IQSEC1: variants seen among roughly 807,000 people sequenced by gnomAD.
The protein encoded by IQSEC1 is IQ motif and SEC7 domain-containing protein 1.
A neutral mutation model predicts 91.0 loss-of-function variants in IQSEC1; 31 were observed. The ratio of observed to expected loss-of-function variants is 0.34; its 90% confidence interval spans 0.26 to 0.46. The LOEUF (loss-of-function observed/expected upper bound fraction) is 0.46, where lower values mean the gene tolerates loss of function less well. IQSEC1 is among the 20% of genes least tolerant of loss of function. The probability of loss-of-function intolerance (pLI) is 1.00; values close to 1 mark genes in which losing one functional copy is unlikely to be tolerated. For synonymous variants in IQSEC1, 699 were observed against 662.6 expected, an observed-to-expected ratio of 1.05 and a Z score of -0.84; for missense variants, 1,388 against 1,575.6, an observed-to-expected ratio of 0.88 and a Z score of 2.02.
At chr3:13,042,051 T>C (rs527753178) in intron 1 of IQSEC1, among the ~76,000 whole-genome samples, 31 of 152,192 alleles carry the variant, frequency 2.0e-4, no homozygotes, top group Non-Finnish European at 4.0e-4. Context: ...CACAGAGCAG[T>C]CCAGGGTGAC....
intron 2 of IQSEC1, among the ~76,000 whole-genome samples, chr3:13,109,699 C>T (rs1002742042): frequency 6.6e-6 from 1 of 151,982 alleles, no homozygotes; most frequent in African/African-American, 2.4e-5. Context: ...TCACCTTCCA[C>T]CATGAGTGGA....
chr3:13,035,141 G>T (rs1282930340), intron 1 of IQSEC1, among the ~76,000 whole-genome samples: 1 of 152,232 alleles, frequency 6.6e-6, no homozygotes, highest in Non-Finnish European at 1.5e-5. Flanking sequence ...CTCCCAGGGA[G>T]CCTTTTTCAC....
Position 12,936,348 on chromosome 3 carries a change from G to A in IQSEC1, c.668C>T (p.Thr223Ile). ...CCTAGAGAAGGCGTCCTCCAGCTCG[G>A]TGATGGCGTCCGCAAAGTCACTGGA... ...APSSDFADAI[T>I]ELEDAFSRQV... The change falls in exon 3 of 14, where the codon ACC (threonine) becomes ATC (isoleucine). Residue 223 changes from threonine (T) to isoleucine (I), a missense_variant. Thr to Ile is a moderately conservative substitution (Grantham distance 89). Coordinates refer to ENST00000613206, the MANE Select transcript of IQSEC1 (RefSeq NM_001134382.3). The A allele has an allele frequency of 6.2e-7, 1 of 1,606,558 alleles. No individual in the cohort carries two copies. The highest frequency in any genetic ancestry group is 8.5e-7 in the Non-Finnish European group (1 of 1,174,788).
chr3:13,174,529 G>T (rs1352042694), intron 1 of IQSEC1, among the ~76,000 whole-genome samples: 3 of 152,164 alleles, frequency 2.0e-5, no homozygotes, highest in Non-Finnish European at 4.4e-5. Context: ...ACACTGGGCT[G>T]TCATGTCGCT....
At chr3:12,964,814 TATGCACACACAG>T (rs890706058) in intron 1 of IQSEC1, among the ~76,000 whole-genome samples, 4 of 152,160 alleles carry the variant, frequency 2.6e-5, no homozygotes, top group South Asian at 2.1e-4. Flanking sequence ...GATAAAACCG[TATGCACACACAG>T]ATGCACACAC....
At chr3:12,963,180 T>C (rs1700348641) in intron 1 of IQSEC1, among the ~76,000 whole-genome samples, 1 of 152,228 alleles carries the variant, frequency 6.6e-6, no homozygotes, top group Non-Finnish European at 1.5e-5. Context: ...TGTCTCATCT[T>C]TAGAAACAGG....
At chr3:13,166,930 G>A (rs977136828) in intron 1 of IQSEC1, among the ~76,000 whole-genome samples, 7 of 152,238 alleles carry the variant, frequency 4.6e-5, no homozygotes, top group African/African-American at 7.2e-5. Context: ...GCATAACATC[G>A]CCCGTCCTAT....
At chr3:13,075,768 T>C (rs1316115939), upstream of IQSEC1, among the ~76,000 whole-genome samples, 1 of 152,182 alleles carries the variant, frequency 6.6e-6, no homozygotes, top group African/African-American at 2.4e-5. Flanking sequence ...GCGGTTTTGA[T>C]TTCTGACATT....
At chr3:13,083,933 G>A (rs563793070) in intron 2 of IQSEC1, among the ~76,000 whole-genome samples, 2 of 152,354 alleles carry the variant, frequency 1.3e-5, no homozygotes, top group Admixed American at 6.5e-5. Context: ...AGGAGTACGC[G>A]GTTTTCCAGT....
At chr3:13,267,332 T>C (rs748265416) in intron 1 of IQSEC1, among the ~76,000 whole-genome samples, 3 of 152,224 alleles carry the variant, frequency 2.0e-5, no homozygotes, top group South Asian at 2.1e-4. Context: ...ACATAGTTTA[T>C]GGCATTTGTT....
intron 2 of IQSEC1, among the ~76,000 whole-genome samples, chr3:13,119,382 T>C (rs186502400): frequency 6.6e-6 from 1 of 152,316 alleles, no homozygotes; most frequent in Admixed American, 6.5e-5. Context: ...TGAATTTGTT[T>C]AAAGAAAGTT....
intron 1 of IQSEC1, among the ~76,000 whole-genome samples, chr3:13,036,047 G>A (rs1034464158): frequency 2.0e-5 from 3 of 152,148 alleles, no homozygotes; most frequent in Non-Finnish European, 4.4e-5. Context: ...AGGCTTCCTA[G>A]GAATCCAGCT....
chr3:12,928,076 T>C (rs940160954), intron 3 of IQSEC1, among the ~76,000 whole-genome samples: 1 of 152,144 alleles, frequency 6.6e-6, no homozygotes, highest in Admixed American at 6.5e-5. Flanking sequence ...AGCGATGCCA[T>C]GCTGGGGAGA....
intron 1 of IQSEC1, among the ~76,000 whole-genome samples, chr3:13,012,266 T>C (rs1330984771): frequency 6.6e-6 from 1 of 152,212 alleles, no homozygotes; most frequent in Admixed American, 6.5e-5. Flanking sequence ...GTATGAGTCC[T>C]GAACCCGACC....
chr3:12,998,548 C>T (rs771991926), intron 1 of IQSEC1, among the ~76,000 whole-genome samples: 6 of 151,174 alleles, frequency 4.0e-5, no homozygotes, highest in African/African-American at 9.7e-5. Flanking sequence ...CTGCTCAGGA[C>T]GATGAAGTGG....
chr3:13,039,300 C>T (rs562349954), intron 1 of IQSEC1, among the ~76,000 whole-genome samples: 63 of 152,224 alleles, frequency 4.1e-4, no homozygotes, highest in Non-Finnish European at 8.1e-4. Context: ...CTTCCCCTGC[C>T]CGAGCCTCTG....
rs965597037 is a variant in IQSEC1 at position 12,922,321 on chromosome 3, C to T, written c.1731-79G>A. 1.2e-5 allele frequency: 17 copies of T among 1,444,172 alleles called. No individual in the cohort carries two copies. In the East Asian group the frequency reaches 3.9e-4, roughly 33 times the overall value. 89.5% of individuals were successfully genotyped at this position (1,444,172 alleles called of 1,614,324 possible). ...CCAGCCCACCCCCAGGTGGTGGTGC[C>T]TGAAGCCCTGGGAATGGACCGCCTC... On this transcript the variant is annotated intron_variant, in intron 4 of 13. Coordinates refer to ENST00000613206, the MANE Select transcript of IQSEC1 (RefSeq NM_001134382.3). This position sits in a 1 kb window ranked among gnomAD's most constrained non-coding sequence, Gnocchi z 5.1.
At chr3:13,203,164 T>TACAC (rs10533324) in intron 1 of IQSEC1, among the ~76,000 whole-genome samples, 252 of 148,114 alleles carry the variant, frequency 1.7e-3, no homozygotes, top group African/African-American at 3.8e-3. Flanking sequence ...TTACCACTAC[T>TACAC]ACACACACAC....
At chr3:13,130,442 G>A (rs1180687543) in intron 2 of IQSEC1, among the ~76,000 whole-genome samples, 1 of 151,590 alleles carries the variant, frequency 6.6e-6, no homozygotes, top group East Asian at 1.9e-4. Flanking sequence ...CATACTTTGT[G>A]TGACTTGAAT....
Sources: allele counts gnomAD v4.1 joint callset (sites outside exome capture counted in the v4.1 genomes callset), GRCh38; gene constraint gnomAD v4.1.1; non-coding constraint Gnocchi (gnomAD v3.1); transcripts MANE v1.5; gene names NCBI Gene and HGNC (gene_info 2026-07-23, HGNC 2026-07-21).